The following CLMN variants were observed in gnomAD, a reference collection of about 807,000 sequenced individuals.
CLMN encodes calmin (calponin-like, transmembrane).
In CLMN, 57 loss-of-function variants were observed where a neutral mutation model predicts 92.7. That is an observed-to-expected ratio of 0.61 (90% CI 0.50 to 0.77). CLMN has a LOEUF of 0.77. Among genes scored for constraint, CLMN ranks in the 30% least tolerant of loss-of-function variants. CLMN has a pLI of 0.00. For missense variants in CLMN, 1,158 were observed against 1,237.5 expected (o/e 0.94, Z 0.96); for synonymous variants, 466 against 470.6 (o/e 0.99, Z 0.13).
At chr14:95,265,016 G>A (rs1482519815) in intron 1 of CLMN, among the ~76,000 whole-genome samples, 1 of 151,844 alleles carries the variant, frequency 6.6e-6, no homozygotes, top group Non-Finnish European at 1.5e-5. Context: ...AGAGGCCAAG[G>A]CAGGAGGACT....
chr14:95,197,516 G>C (rs936375551), intron 9 of CLMN, among the ~76,000 whole-genome samples: 1 of 152,308 alleles, frequency 6.6e-6, no homozygotes, highest in East Asian at 1.9e-4. Context: ...CTGGAAGCTA[G>C]GTGGGCCAAA....
At chr14:95,224,672 T>G (rs149045953) in intron 2 of CLMN, among the ~76,000 whole-genome samples, 1 of 152,226 alleles carries the variant, frequency 6.6e-6, no homozygotes, top group Non-Finnish European at 1.5e-5. Context: ...GGTATTGTCC[T>G]GTTTCCTGTA....
chr14:95,272,416 A>T (rs1188752559), intron 1 of CLMN, among the ~76,000 whole-genome samples: 1 of 152,164 alleles, frequency 6.6e-6, no homozygotes, highest in African/African-American at 2.4e-5. Flanking sequence ...GTTCCAGAAC[A>T]CCCAGAGATG....
At chr14:95,202,651 A>C (rs1239798358) in intron 9 of CLMN, among the ~76,000 whole-genome samples, 187 bp downstream of exon 9, 1 of 152,112 alleles carries the variant, frequency 6.6e-6, no homozygotes, top group Non-Finnish European at 1.5e-5. Context: ...GGAGGTGCTC[A>C]CTCTCAGGTG....
rs1896631766 is a variant in CLMN, at chr14:95,194,090, TACCTCCTCCCCTA to T, written c.2770-184_2770-172del. On this transcript the variant is annotated intron_variant, in intron 11 of 12. Coordinates refer to ENST00000298912, the MANE Select transcript of CLMN (RefSeq NM_024734.4). This position sits in a 1 kb window ranked among gnomAD's most constrained non-coding sequence, Gnocchi z 4.0. ...AAGTGCTAAACAATATACATTCCTC[TACCTCCTCCCCTA>T]AGCCCCTCCCTTGTGAGTGCGAGAG... The T allele has an allele frequency of 7.0e-7, 1 of 1,432,592 alleles. No individual in the cohort carries two copies. The highest frequency in any genetic ancestry group is 1.5e-5 in the South Asian group (1 of 64,934). 88.7% of individuals were successfully genotyped at this position (1,432,592 alleles called of 1,614,324 possible).
At chr14:95,263,360 G>A (rs368346028) in intron 1 of CLMN, among the ~76,000 whole-genome samples, 6 of 152,214 alleles carry the variant, frequency 3.9e-5, no homozygotes, top group Admixed American at 3.3e-4. Flanking sequence ...ATTACCTCCC[G>A]CCAGGTTGGT....
chr14:95,313,004 G>A (rs761487430), intron 1 of CLMN, among the ~76,000 whole-genome samples: 2 of 152,130 alleles, frequency 1.3e-5, no homozygotes, highest in African/African-American at 4.8e-5. Flanking sequence ...TCAGGAGTTC[G>A]AGACCAGCCT....
At chr14:95,231,434 G>A (rs976613814) in intron 1 of CLMN, among the ~76,000 whole-genome samples, 4 of 152,072 alleles carry the variant, frequency 2.6e-5, no homozygotes, top group South Asian at 4.2e-4. Flanking sequence ...TCCTGACCTC[G>A]GGATCCGCCC....
intron 7 of CLMN, among the ~76,000 whole-genome samples, chr14:95,210,057 A>ATT (rs5810717): frequency 2.7e-5 from 4 of 147,750 alleles, no homozygotes; most frequent in Non-Finnish European, 6.0e-5. Context: ...AGCTAAGTAC[A>ATT]TTTTTTTTTT....
chr14:95,234,845 A>C (rs767801425), intron 1 of CLMN, among the ~76,000 whole-genome samples: 1 of 152,246 alleles, frequency 6.6e-6, no homozygotes, highest in African/African-American at 2.4e-5. Context: ...GTTCAGAGTC[A>C]CAGAGAAAGG....
Sources: allele counts gnomAD v4.1 joint callset (sites outside exome capture counted in the v4.1 genomes callset), GRCh38; gene constraint gnomAD v4.1.1; non-coding constraint Gnocchi (gnomAD v3.1); transcripts MANE v1.5; gene names NCBI Gene and HGNC (gene_info 2026-07-23, HGNC 2026-07-21).